The following RUNX2 variants were observed in gnomAD, a reference collection of about 807,000 sequenced individuals.
RUNX2 encodes runt-related transcription factor 2.
Under a neutral mutation model 51.7 loss-of-function variants are expected in RUNX2, and 10 were observed. The ratio of observed to expected loss-of-function variants is 0.19; its 90% CI spans 0.12 to 0.33. The LOEUF is 0.33. Ranked by LOEUF, RUNX2 falls within the 10% of genes least tolerant of loss-of-function variation. The probability of loss-of-function intolerance (pLI) is 1.00; values close to 1 mark genes in which losing one functional copy is unlikely to be tolerated. For missense variants in RUNX2, 562 were observed against 691.3 expected, an observed-to-expected ratio of 0.81 and a Z score of 2.10; for synonymous variants, 276 against 273.6, an observed-to-expected ratio of 1.01 and a Z score of -0.09.
At chr6:45,524,706 G>C (rs1235138747) in intron 7 of RUNX2, among the ~76,000 whole-genome samples, 1 of 152,170 alleles carries the variant, frequency 6.6e-6, no homozygotes, top group Admixed American at 6.5e-5. Flanking sequence ...AACAGGTTTG[G>C]AAAAGAGGAA....
chr6:45,366,770 CCTT>C (rs1795207675), intron 2 of RUNX2, among the ~76,000 whole-genome samples: 1 of 152,142 alleles, frequency 6.6e-6, no homozygotes, highest in Admixed American at 6.5e-5. Flanking sequence ...ACCTTTGACT[CCTT>C]CTCCTGCACC....
intron 2 of RUNX2, among the ~76,000 whole-genome samples, chr6:45,346,547 T>C (rs536237907): frequency 6.7e-6 from 1 of 149,930 alleles, no homozygotes; most frequent in African/African-American, 2.5e-5. Flanking sequence ...TGGCATATAA[T>C]AGGAATTCAA....
In RUNX2 at chr6:45,414,732, T is replaced by G. The variant is rs151152670; in HGVS notation, c.59-7861T>G. On this transcript the variant is annotated intron_variant, in intron 2 of 8. Coordinates refer to ENST00000647337, the MANE Select transcript of RUNX2 (RefSeq NM_001024630.4). ...TGCTTTTCTGATTCTGTAAGGTATCTCTCCACCTTCCCAGATCCTGGCTTT... is the reference window on the plus strand; with the variant it reads ...TGCTTTTCTGATTCTGTAAGGTATCGCTCCACCTTCCCAGATCCTGGCTTT... Among the ~76,000 whole-genome samples the G allele has an allele frequency of 2.4e-3, 353 of 147,748 alleles. 4 individuals are homozygous for G. Among genetic ancestry groups the G allele is most frequent in the African/African-American group, 8.5e-3 (340 of 40,198 alleles).
chr6:45,516,424 T>C (rs1380290310), intron 7 of RUNX2, among the ~76,000 whole-genome samples: 1 of 152,230 alleles, frequency 6.6e-6, no homozygotes, highest in Non-Finnish European at 1.5e-5. Flanking sequence ...TTCAGTTGAA[T>C]TATAAAAGTC....
chr6:45,470,630 G>A (rs946311773), intron 5 of RUNX2, among the ~76,000 whole-genome samples: 1 of 152,174 alleles, frequency 6.6e-6, no homozygotes, highest in Non-Finnish European at 1.5e-5. Context: ...GTCCAAGATT[G>A]TCTTTTGATC....
At chr6:45,397,735 A>G (rs1447017013) in intron 2 of RUNX2, among the ~76,000 whole-genome samples, 1 of 152,178 alleles carries the variant, frequency 6.6e-6, no homozygotes, top group Non-Finnish European at 1.5e-5. Flanking sequence ...ATTTTAAGGG[A>G]CCAAAATTAA....
chr6:45,358,544 T>C (rs1793654542), intron 2 of RUNX2, among the ~76,000 whole-genome samples: 2 of 152,196 alleles, frequency 1.3e-5, no homozygotes, highest in Non-Finnish European at 2.9e-5. Flanking sequence ...AGTATGTTGA[T>C]GATGATATTT....
intron 6 of RUNX2, among the ~76,000 whole-genome samples, chr6:45,494,721 GC>G (rs1800595324): frequency 6.6e-6 from 1 of 152,184 alleles, no homozygotes; most frequent in African/African-American, 2.4e-5. Flanking sequence ...TTAAAGGAAA[GC>G]CCAGGAACAT....
rs115501640 is a variant in RUNX2, at chr6:45,472,405, A to G, written c.686-19536A>G. ...AATTACATTCCCCTCTCCCCCAGAA[A>G]GAACATCCTTAGGTTTTCTCCCATT... On this transcript the variant is annotated intron_variant, in intron 5 of 8. Transcript: ENST00000647337. Among the ~76,000 whole-genome samples the G allele has an allele frequency of 6.3e-3, 965 of 152,304 alleles. 9 individuals are homozygous for G. The highest frequency in any genetic ancestry group is 0.022 in the African/African-American group (903 of 41,568).
At chr6:45,451,578 G>A (rs575302072) in intron 5 of RUNX2, among the ~76,000 whole-genome samples, 53 of 152,186 alleles carry the variant, frequency 3.5e-4, no homozygotes, top group Admixed American at 2.0e-4. Flanking sequence ...GCTTCAAGAA[G>A]AGGAGACTGA....
At chr6:45,415,063 T>C (rs944398791) in intron 2 of RUNX2, among the ~76,000 whole-genome samples, 3 of 152,142 alleles carry the variant, frequency 2.0e-5, no homozygotes, top group Admixed American at 6.5e-5. Context: ...TTGGAAATCC[T>C]CATCTTATAA....
intron 2 of RUNX2, among the ~76,000 whole-genome samples, chr6:45,416,088 C>T (rs1798064142): frequency 6.6e-6 from 1 of 152,172 alleles, no homozygotes; most frequent in African/African-American, 2.4e-5. Flanking sequence ...GGGAAAAACA[C>T]TGAGAGAACG....
rs548187125 is a variant in RUNX2 at position 45,446,477 on chromosome 6, C to T, written c.685+8426C>T. ...ACAGGGACTTGAGAGAAAGAGGTTCCCCTCCCCCCCTTTTTTTGTCTCTCT... is the reference window on the plus strand; with the variant it reads ...ACAGGGACTTGAGAGAAAGAGGTTCTCCTCCCCCCCTTTTTTTGTCTCTCT... On this transcript the variant is annotated intron_variant, in intron 5 of 8. Coordinates refer to ENST00000647337, the MANE Select transcript of RUNX2 (RefSeq NM_001024630.4). Among the ~76,000 whole-genome samples, 5 of 151,194 alleles carry T rather than the reference C, an allele frequency of 3.3e-5. 1 individual carries two copies. The South Asian group carries it at 1.0e-3, about 32-fold the overall frequency.
chr6:45,547,712 AC>A lies in RUNX2; in HGVS notation c.*410del, dbSNP rs1490545818. 3.7e-5 allele frequency: 10 copies of A among 273,366 alleles called. No individual in the cohort carries two copies. The highest frequency in any genetic ancestry group is 6.4e-5 in the Non-Finnish European group (9 of 139,938). The allele number at this position is 273,366 out of a possible 1,614,324, so 16.9% of individuals were successfully genotyped here. On this transcript the variant is annotated 3_prime_UTR_variant, in exon 9 of 9. Coordinates refer to ENST00000647337, the MANE Select transcript of RUNX2 (RefSeq NM_001024630.4). The stretch of plus-strand genomic sequence containing the variant: ...TCCTCTCTGTGCTTTGAAACTTCAC[AC>A]CCTCACGGTGGCAGCTGTGTATGGA...
At chr6:45,472,773 A>G (rs567143810) in intron 5 of RUNX2, among the ~76,000 whole-genome samples, 1 of 152,294 alleles carries the variant, frequency 6.6e-6, no homozygotes, top group African/African-American at 2.4e-5. Flanking sequence ...CATCTAGAGA[A>G]ACTGTAATTT....
At chr6:45,414,361 C>T (rs773570783) in intron 2 of RUNX2, among the ~76,000 whole-genome samples, 12 of 152,102 alleles carry the variant, frequency 7.9e-5, no homozygotes, top group Non-Finnish European at 1.8e-4. Context: ...CAGAACGGTC[C>T]CTTTAATGTT....
At chr6:45,406,797 A>T (rs569508299) in intron 2 of RUNX2, among the ~76,000 whole-genome samples, 73 of 152,350 alleles carry the variant, frequency 4.8e-4, no homozygotes, top group Admixed American at 3.3e-3. Context: ...CCCCGAAAAT[A>T]CTAAAAATAA....
intron 3 of RUNX2, among the ~76,000 whole-genome samples, chr6:45,427,378 A>G (rs1247827585): frequency 1.3e-5 from 2 of 152,118 alleles, no homozygotes; most frequent in African/African-American, 2.4e-5. Context: ...AATTTTTATC[A>G]AAATTTATCT....
chr6:45,357,919 A>C (rs1220241566), intron 2 of RUNX2, among the ~76,000 whole-genome samples: 1 of 152,136 alleles, frequency 6.6e-6, no homozygotes, highest in African/African-American at 2.4e-5. Flanking sequence ...ATACATTCAC[A>C]AAAGAACATT....
Sources: gnomAD v4.1 joint callset for allele counts (sites outside exome capture counted in the v4.1 genomes callset) on GRCh38, gnomAD v4.1.1 for gene constraint, MANE v1.5 for transcripts, NCBI Gene and HGNC (gene_info 2026-07-23, HGNC 2026-07-21) for gene names.